The following ABCC3 variants were observed in gnomAD, a reference collection of about 807,000 sequenced individuals.
ABCC3 encodes ATP-binding cassette sub-family C member 3.
ABCC3 carries 121 observed loss-of-function variants against 165.3 expected under a neutral mutation model. The ratio of observed to expected loss-of-function variants is 0.73; its 90% confidence interval spans 0.63 to 0.85. The LOEUF (loss-of-function observed/expected upper bound fraction) is 0.85. ABCC3 is among the 40% of genes least tolerant of loss of function. The pLI is 0.00. For missense variants in ABCC3, 1,869 were observed against 1,964.1 expected (o/e 0.95, Z 0.92); for synonymous variants, 733 against 810.1 (o/e 0.90, Z 1.62).
At chr17:50,674,630 C>T (rs1330367536) in intron 19 of ABCC3, among the ~76,000 whole-genome samples, 1 of 152,104 alleles carries the variant, frequency 6.6e-6, no homozygotes, top group Non-Finnish European at 1.5e-5. Flanking sequence ...CTCCTTGTTG[C>T]CCAGACCCAG....
At chr17:50,675,567 C>A in intron 20 of ABCC3, 64 bp from the exon 21 acceptor site, 2 of 1,562,802 alleles carry the variant, frequency 1.3e-6, no homozygotes, top group Non-Finnish European at 1.7e-6. Context: ...CCCTGACACT[C>A]CCAGCCTCTG....
intron 1 of ABCC3, chr17:50,635,235 T>C (rs757731296): frequency 1.1e-4 from 72 of 626,116 alleles, no homozygotes; most frequent in East Asian, 4.1e-4. Context: ...CCCGGGAAAG[T>C]GAGGAAGAGT....
Position 50,676,275 on chromosome 17 carries a change from C to T in ABCC3, c.3068-3C>T. ...AGCCAGCGCCCTCTGCCTTCTCCAA[C>T]AGGGTTCTTGGTGATGCTGGCAGCC... On this transcript the variant is annotated splice_region_variant and splice_polypyrimidine_tract_variant and intron_variant, in intron 22 of 30. Transcript: ENST00000285238. The T allele has an allele frequency of 6.2e-7, 1 of 1,610,236 alleles. No individual in the cohort carries two copies. The highest frequency in any genetic ancestry group is 8.5e-7 in the Non-Finnish European group (1 of 1,177,818).
intron 1 of ABCC3, chr17:50,635,206 C>G (rs541166833): frequency 3.2e-6 from 2 of 622,450 alleles, no homozygotes; most frequent in Admixed American, 5.8e-5. Flanking sequence ...CTGCCCTTCC[C>G]GGCTGCAGCA....
chr17:50,688,176 C>T (rs1406568913), intron 30 of ABCC3, among the ~76,000 whole-genome samples: 1 of 152,152 alleles, frequency 6.6e-6, no homozygotes, highest in Non-Finnish European at 1.5e-5. Context: ...TCCCAAAGTG[C>T]TGGGATTACA....
At chr17:50,667,466 G>C in intron 11 of ABCC3, 88 bp from the exon 12 acceptor site, 1 of 1,201,906 alleles carries the variant, frequency 8.3e-7, no homozygotes, top group Non-Finnish European at 1.2e-6. Flanking sequence ...GGCTGCAATG[G>C]ATGAGAATGG....
intron 19 of ABCC3, among the ~76,000 whole-genome samples, chr17:50,674,620 C>A (rs536290983): frequency 6.6e-6 from 1 of 152,276 alleles, no homozygotes; most frequent in East Asian, 1.9e-4. Context: ...ATGCCCCTGG[C>A]TCCTTGTTGC....
intron 17 of ABCC3, among the ~76,000 whole-genome samples, chr17:50,672,765 G>A (rs777356673): frequency 1.9e-4 from 29 of 152,140 alleles, no homozygotes; most frequent in African/African-American, 5.8e-4. Flanking sequence ...CTAGCTACTC[G>A]GGAGGCTGAG....
intron 5 of ABCC3, 80 bp from the exon 6 acceptor site, chr17:50,658,355 G>A (rs12103817): frequency 6.3e-7 from 1 of 1,581,596 alleles, no homozygotes; most frequent in East Asian, 2.2e-5. Context: ...CAGGAACAAG[G>A]GTCCCCTCCA....
At position 50,658,910 on chromosome 17, in the gene ABCC3, C is replaced by T. The variant is rs1275473483; in HGVS notation, c.675-327C>T. Among the ~76,000 whole-genome samples the T allele has an allele frequency of 3.9e-5, 6 of 152,210 alleles. 1 individual carries two copies. Among genetic ancestry groups the T allele is most frequent in the South Asian group, 4.1e-4 (2 of 4,834 alleles). ...AACCCCACAGCACTGAGGAAGCACC[C>T]GAGGCTGGGGCCAAATTGCCCAGGC... On this transcript the variant is annotated intron_variant, in intron 6 of 30. Transcript: ENST00000285238.
chr17:50,663,643 G>A, intron 8 of ABCC3, 38 bp from the exon 9 acceptor site: 1 of 1,607,180 alleles, frequency 6.2e-7, no homozygotes. Flanking sequence ...AGCCATGGGG[G>A]CAGCACTGCC....
At position 50,667,639 on chromosome 17, in the gene ABCC3, G is replaced by A; in HGVS notation, c.1517G>A (p.Trp506Ter). The A allele has an allele frequency of 6.2e-7, 1 of 1,614,206 alleles. No individual in the cohort carries two copies. Among genetic ancestry groups the A allele is most frequent in the Non-Finnish European group, 8.5e-7 (1 of 1,180,034 alleles). Reference protein sequence around the residue: ...NGIKVLKLYAWEPSFLKQVEG... With the variant: ...NGIKVLKLYA ...ATCAAGGTGCTGAAGCTGTACGCCT[G>A]GGAGCCCAGCTTCCTGAAGCAGGTG... Residue 506 changes from tryptophan to a stop codon, truncating the protein, a stop_gained, in exon 12 of 31, where the codon TGG (tryptophan) becomes TAG (stop). Transcript: ENST00000285238. LOFTEE classifies it high-confidence loss of function.
At chr17:50,670,614 A>T (rs982460513) in intron 17 of ABCC3, among the ~76,000 whole-genome samples, 5 of 152,220 alleles carry the variant, frequency 3.3e-5, no homozygotes, top group Admixed American at 3.3e-4. Context: ...TATGTTAGAT[A>T]AATGCTCAGT....
Position 50,684,103 on chromosome 17 carries a change from C to T in ABCC3, c.4109C>T (p.Pro1370Leu), listed in dbSNP as rs769100902. The change falls in exon 28 of 31, where the codon CCG (proline) becomes CTG (leucine). Residue 1370 changes from proline (P) to leucine (L), a missense_variant. Physicochemically the swap from Pro to Leu is moderately conservative, Grantham distance 98. Transcript: ENST00000285238. ...HDLRSQLTII[P>L]QDPILFSGTL... ...CTGCGCTCTCAGCTGACCATCATCC[C>T]GCAGGTAGGAGCCTGGCATGGGCTG... The T allele has an allele frequency of 2.5e-5, 41 of 1,612,574 alleles. No homozygotes were observed. The highest frequency in any genetic ancestry group is 4.5e-5 in the East Asian group (2 of 44,762).
Position 50,663,433 on chromosome 17 carries a change from G to A in ABCC3, c.999-248G>A. ...CAGGCAGGTGAGGCTGGTGGTGAGA[G>A]CGTCATCGATAGGGCGTGCAGCAGG... is the stretch of plus-strand genomic sequence containing the variant. On this transcript the variant is annotated intron_variant, in intron 8 of 30. Transcript: ENST00000285238. The A allele has an allele frequency of 7.6e-6, 4 of 528,588 alleles. No individual in the cohort carries two copies. In the South Asian group the frequency reaches 8.1e-5, roughly 11 times the overall value. 32.7% of individuals were successfully genotyped at this position (528,588 alleles called of 1,614,324 possible).
Position 50,670,438 on chromosome 17 carries a change from A to T in ABCC3, c.2241+910A>T, listed in dbSNP as rs112480084. Among the ~76,000 whole-genome samples, 775 of 152,272 alleles carry T rather than the reference A, an allele frequency of 5.1e-3. 6 individuals carry two copies. Among genetic ancestry groups the T allele is most frequent in the African/African-American group, 0.018 (745 of 41,546 alleles). On this transcript the variant is annotated intron_variant, in intron 17 of 30. Transcript: ENST00000285238. ...ACTGAGGAGGAGGAGCTCATCATGT[A>T]TCTGTTCATTCATTTACCATATATT...
At chr17:50,649,795 T>C (rs571242775) in intron 1 of ABCC3, among the ~76,000 whole-genome samples, 10 of 152,222 alleles carry the variant, frequency 6.6e-5, no homozygotes, top group African/African-American at 2.2e-4. Flanking sequence ...AATAAATTTT[T>C]TTAATAGGAT....
rs770345723 is a variant in ABCC3 at position 50,658,425 on chromosome 17, C to T, written c.613-10C>T. On this transcript the variant is annotated splice_polypyrimidine_tract_variant and intron_variant, in intron 5 of 30. Coordinates refer to ENST00000285238, the MANE Select transcript of ABCC3 (RefSeq NM_003786.4). ...TCCTGATTCCCCCGTCCTATTCTCT[C>T]GCCTTCTAGAACCCCTACCCTGAGA... The T allele has an allele frequency of 2.0e-5, 33 of 1,613,378 alleles. No individual in the cohort carries two copies. In the South Asian group the frequency reaches 2.5e-4, roughly 12 times the overall value.
intron 8 of ABCC3, 118 bp from the exon 9 acceptor site, chr17:50,663,563 G>A: frequency 8.2e-7 from 1 of 1,226,364 alleles, no homozygotes; most frequent in Non-Finnish European, 1.1e-6. Flanking sequence ...GTTGGAGGGG[G>A]TGGAGGTTTC....
Sources: allele counts gnomAD v4.1 joint callset (sites outside exome capture counted in the v4.1 genomes callset), GRCh38; gene constraint gnomAD v4.1.1; transcripts MANE v1.5; gene names NCBI Gene and HGNC (gene_info 2026-07-23, HGNC 2026-07-21).